VWA7: variants seen among roughly 807,000 people sequenced by gnomAD.
The protein encoded by VWA7 is von Willebrand factor A domain containing 7, also known as von Willebrand factor A domain-containing protein 7.
In VWA7, 66 loss-of-function variants were observed where a neutral mutation model predicts 83.1. The ratio of observed to expected loss-of-function variants is 0.79; its 90% CI spans 0.65 to 0.98. The LOEUF is 0.98. Among genes scored for constraint, VWA7 ranks in the 50% least tolerant of loss-of-function variants. VWA7 has a pLI of 0.00. For missense variants in VWA7, 1,080 were observed against 1,160.2 expected, an observed-to-expected ratio of 0.93 and a Z score of 1.00; for synonymous variants, 424 against 488.5, an observed-to-expected ratio of 0.87 and a Z score of 1.74.
Position 31,775,693 on chromosome 6 carries a change from C to T in VWA7, c.514-264G>A, listed in dbSNP as rs1241077599. On this transcript the variant is annotated intron_variant, in intron 3 of 16. Transcript: ENST00000375688. The surrounding 1 kb of genome is among the most constrained non-coding windows in gnomAD (Gnocchi z 5.9). Reference sequence around the variant, plus strand: ...TCTCTCGGCCTGCAGAGTCCTGCTGCGTGTGCTGCTCCCTCAGCTCTCTGA... The same window carrying T: ...TCTCTCGGCCTGCAGAGTCCTGCTGTGTGTGCTGCTCCCTCAGCTCTCTGA... Among the ~76,000 whole-genome samples the T allele has an allele frequency of 3.3e-5, 5 of 152,198 alleles. No individual in the cohort carries two copies. The highest frequency in any genetic ancestry group is 2.4e-5 in the African/African-American group (1 of 41,458).
In VWA7 at chr6:31,773,575, G is replaced by A. The variant is rs1812408738; in HGVS notation, c.722-138C>T. 4 of 897,340 alleles carry A rather than the reference G, an allele frequency of 4.5e-6. No homozygotes were observed. The highest frequency in any genetic ancestry group is 6.5e-6 in the Non-Finnish European group (4 of 615,172). 55.6% of individuals were successfully genotyped at this position (897,340 alleles called of 1,614,324 possible). On this transcript the variant is annotated intron_variant, in intron 5 of 16. Transcript: ENST00000375688. This position sits in a 1 kb window ranked among gnomAD's most constrained non-coding sequence, Gnocchi z 5.3. ...CAAGAAATGATGACGGGGTTGGCGC[G>A]GTGGCTCACGCCTGGAATCCCAGCG...
Position 31,772,963 on chromosome 6 carries a change from GA to G in VWA7, c.1077del (p.His360MetfsTer73). The G allele has an allele frequency of 6.3e-7, 1 of 1,584,786 alleles. No homozygotes were observed. On this transcript the variant is annotated frameshift_variant, in exon 7 of 17. Transcript: ENST00000375688. LOFTEE classifies it high-confidence loss of function. ...GCCAGACCACACTTACCTGGGTCAT[GA>G]AAAGGCACCAGGACATAGTGGACAG... ...MEPVHYVLVP[F>X]HDPGFGPVFT...
chr6:31,772,318 T>C (rs1454594874), intron 7 of VWA7, among the ~76,000 whole-genome samples: 1 of 151,796 alleles, frequency 6.6e-6, no homozygotes, highest in Non-Finnish European at 1.5e-5. Flanking sequence ...CACATAATTT[T>C]TATTAATTTT....
rs1414351568 is a variant in VWA7 at position 31,773,964 on chromosome 6, G to A, written c.722-527C>T. On this transcript the variant is annotated intron_variant, in intron 5 of 16. Transcript: ENST00000375688. This position sits in a 1 kb window ranked among gnomAD's most constrained non-coding sequence, Gnocchi z 5.3. ...GAAGTCAGGAGTTTGAGACAAGCCT[G>A]GCCAACATGATGAAACCCTGTCTCT... 6.6e-6 allele frequency among the ~76,000 whole-genome samples: 1 copy of A among 151,994 alleles called. No individual in the cohort carries two copies. Among genetic ancestry groups the A allele is most frequent in the African/African-American group, 2.4e-5 (1 of 41,374 alleles).
In VWA7 at chr6:31,765,593, GT is replaced by G. The variant is rs756612990; in HGVS notation, c.2676del (p.Ter892CysfsTer?). The G allele has an allele frequency of 6.2e-7, 1 of 1,610,298 alleles. No individual in the cohort carries two copies. The highest frequency in any genetic ancestry group is 1.1e-5 in the South Asian group (1 of 90,648). On this transcript the variant is annotated frameshift_variant and stop_lost, in exon 17 of 17. Coordinates refer to ENST00000375688, the MANE Select transcript of VWA7 (RefSeq NM_025258.3). LOFTEE classifies it high-confidence loss of function. Reference sequence around the variant, plus strand: ...GACCCATCCCTTTAGAGCCCGTTGTGTCACCAGGAGGCCAGGCCTAGCAGAA... The same window carrying G: ...GACCCATCCCTTTAGAGCCCGTTGTGCACCAGGAGGCCAGGCCTAGCAGAA... ...VLLLLGLASW* is the reference protein window; with the variant it reads ...VLLLLGLASWX
intron 7 of VWA7, among the ~76,000 whole-genome samples, chr6:31,772,751 C>A (rs2151402951): frequency 6.6e-6 from 1 of 151,956 alleles, no homozygotes; most frequent in East Asian, 1.9e-4. Context: ...AGGTGCCCAC[C>A]ACCACGCCCG....
rs1811958206 is a variant in VWA7, at chr6:31,769,482, T to C, written c.1317+193A>G. Among the ~76,000 whole-genome samples, 1 of 152,226 alleles carries C rather than the reference T, an allele frequency of 6.6e-6. No individual in the cohort carries two copies. ...AGGGTCAAATAAAAATTCAGCGTTA[T>C]TAAGGGTAGGGCCTCTTACGTATAT... is the stretch of plus-strand genomic sequence containing the variant. On this transcript the variant is annotated intron_variant, in intron 9 of 16. Transcript: ENST00000375688. This position sits in a 1 kb window ranked among gnomAD's most constrained non-coding sequence, Gnocchi z 4.5.
In VWA7 at chr6:31,772,968, G is replaced by A. The variant is rs373169264; in HGVS notation, c.1073C>T (p.Pro358Leu). 125 of 1,611,934 alleles carry A rather than the reference G, an allele frequency of 7.8e-5. 3 individuals carry two copies. The highest frequency in any genetic ancestry group is 4.2e-4 in the East Asian group (19 of 44,884). ...PMEPVHYVLVPFHDPGFGPVF... is the reference protein window; with the variant it reads ...PMEPVHYVLVLFHDPGFGPVF... ...ACCACACTTACCTGGGTCATGAAAA[G>A]GCACCAGGACATAGTGGACAGGCTC... The change falls in exon 7 of 17, where the codon CCT (proline) becomes CTT (leucine). Residue 358 changes from proline to leucine, a missense_variant. Pro to Leu is a moderately conservative substitution (Grantham distance 98). Transcript: ENST00000375688.
At position 31,777,152 on chromosome 6, in the gene VWA7, T is replaced by C; in HGVS notation, c.-59A>G. ...GGGCAGGGCTGGCCCGGGCTTGACG[T>C]CACAGGGCACTTAGGTCAGAGTTAT... On this transcript the variant is annotated 5_prime_UTR_variant, in exon 1 of 17. Transcript: ENST00000375688. The surrounding 1 kb of genome is among the most constrained non-coding windows in gnomAD (Gnocchi z 5.8). The C allele has an allele frequency of 2.8e-6, 1 of 356,236 alleles. No individual in the cohort carries two copies. The highest frequency in any genetic ancestry group is 4.6e-5 in the East Asian group (1 of 21,752). 22.1% of individuals were successfully genotyped at this position (356,236 alleles called of 1,614,324 possible). A position where few individuals can be genotyped will look rare whatever the true frequency, so the allele number is the denominator to read the frequency against.
chr6:31,774,811 C>G (rs1812535725), intron 4 of VWA7, among the ~76,000 whole-genome samples, 185 bp from the exon 5 acceptor site: 1 of 152,046 alleles, frequency 6.6e-6, no homozygotes, highest in Non-Finnish European at 1.5e-5. Context: ...ATGTTTGAAA[C>G]TAGGGCTGTG....
chr6:31,766,171 GA>G lies in VWA7; in HGVS notation c.2324+73del. On this transcript the variant is annotated intron_variant, in intron 15 of 16. Coordinates refer to ENST00000375688, the MANE Select transcript of VWA7 (RefSeq NM_025258.3). The surrounding 1 kb of genome is among the most constrained non-coding windows in gnomAD (Gnocchi z 4.9). ...GGATTCTGAGGGCCAGTCGGAGGGGGACAGGGGCAGGGCTTGGGATAAGCAT... is the reference window on the plus strand; with the variant it reads ...GGATTCTGAGGGCCAGTCGGAGGGGGCAGGGGCAGGGCTTGGGATAAGCAT... 3 of 1,595,248 alleles carry G rather than the reference GA, an allele frequency of 1.9e-6. No homozygotes were observed. Among genetic ancestry groups the G allele is most frequent in the Non-Finnish European group, 2.6e-6 (3 of 1,169,362 alleles).
rs1812705420 is a variant in VWA7, at chr6:31,776,567, A to G, written c.213T>C (p.Pro71=). Residue 71 remains proline (P), a synonymous_variant, in exon 2 of 17, where the codon CCT becomes CCC. Coordinates refer to ENST00000375688, the MANE Select transcript of VWA7 (RefSeq NM_025258.3). The surrounding 1 kb of genome is among the most constrained non-coding windows in gnomAD (Gnocchi z 6.2). ...TCACCAGGAAGTCCTCAAGACGAAG[A>G]GGGGGGCGGCCTGGGGGTGGCTGCT... The part of the protein sequence containing the change: ...FLEQPPPGRP[P]LRLEDFLGRT... 1.3e-6 allele frequency: 2 copies of G among 1,547,612 alleles called. No homozygotes were observed. The highest frequency in any genetic ancestry group is 1.7e-6 in the Non-Finnish European group (2 of 1,145,660).
chr6:31,771,863 C>A (rs929241985), intron 7 of VWA7: 1 of 151,820 alleles, frequency 6.6e-6, no homozygotes, highest in African/African-American at 2.4e-5. Context: ...TGGTGGCGGG[C>A]GCCTGTAGTC....
Position 31,775,548 on chromosome 6 carries a change from T to C in VWA7, c.514-119A>G. The C allele has an allele frequency of 1.3e-6, 1 of 753,336 alleles. No individual in the cohort carries two copies. Among genetic ancestry groups the C allele is most frequent in the South Asian group, 1.7e-5 (1 of 57,460 alleles). The allele number at this position is 753,336 out of a possible 1,614,324, so 46.7% of individuals were successfully genotyped here. On this transcript the variant is annotated intron_variant, in intron 3 of 16. Transcript: ENST00000375688. This position sits in a 1 kb window ranked among gnomAD's most constrained non-coding sequence, Gnocchi z 5.9. ...CCCGAAAGTCCCCTCCCACCCCTAC[T>C]GCTCCCACCAGACACCCCAAGTCCC...
chr6:31,774,211 T>C (rs1812473099), intron 5 of VWA7, among the ~76,000 whole-genome samples: 1 of 150,452 alleles, frequency 6.6e-6, no homozygotes, highest in Non-Finnish European at 1.5e-5. Flanking sequence ...AGGGGAATTC[T>C]GGAGTAAATC....
Position 31,766,645 on chromosome 6 carries a change from C to A in VWA7, c.2002G>T (p.Gly668Cys). ...CCCACGGGCTCCAAGGGCACCTGGCCTAGTTCGGCACCCTCTGGGACCCCT... is the reference window on the plus strand; with the variant it reads ...CCCACGGGCTCCAAGGGCACCTGGCATAGTTCGGCACCCTCTGGGACCCCT... ...LRGVPEGAEL[G>C]QVPLEPVGPP... The change falls in exon 14 of 17, where the codon GGC becomes TGC. Residue 668 changes from glycine (G) to cysteine (C), a missense_variant. By Grantham distance (159) the Gly-to-Cys change is radical. Coordinates refer to ENST00000375688, the MANE Select transcript of VWA7 (RefSeq NM_025258.3). This position sits in a 1 kb window ranked among gnomAD's most constrained non-coding sequence, Gnocchi z 4.9. 1 of 1,613,084 alleles carries A rather than the reference C, an allele frequency of 6.2e-7. No homozygotes were observed.
Position 31,773,154 on chromosome 6 carries a change from G to A in VWA7, c.918-31C>T. 4 of 1,603,756 alleles carry A rather than the reference G, an allele frequency of 2.5e-6. No individual in the cohort carries two copies. The highest frequency in any genetic ancestry group is 3.4e-6 in the Non-Finnish European group (4 of 1,175,776). On this transcript the variant is annotated intron_variant, in intron 6 of 16. Transcript: ENST00000375688. The surrounding 1 kb of genome is among the most constrained non-coding windows in gnomAD (Gnocchi z 5.3). ...GAGCAAGCCAGAGACACAGTGAAGG[G>A]CCTGCACGTTTGTCCCCAGCGCCTG...
At chr6:31,774,696 C>G in intron 4 of VWA7, 70 bp from the exon 5 acceptor site, 1 of 1,316,768 alleles carries the variant, frequency 7.6e-7, no homozygotes, top group South Asian at 1.4e-5. Flanking sequence ...CCCACCCAAA[C>G]CTTTTCAGCT....
intron 11 of VWA7, 37 bp downstream of exon 11, chr6:31,767,585 C>T (rs772346136): frequency 3.6e-5 from 57 of 1,600,464 alleles, no homozygotes; most frequent in Non-Finnish European, 4.3e-6. Context: ...ATTGTCTATT[C>T]CCCGGTCCCC....
Sources: gnomAD v4.1 joint callset for allele counts (sites outside exome capture counted in the v4.1 genomes callset) on GRCh38, gnomAD v4.1.1 for gene constraint, Gnocchi (gnomAD v3.1) non-coding constraint, MANE v1.5 for transcripts, NCBI Gene and HGNC (gene_info 2026-07-23, HGNC 2026-07-21) for gene names.